IL1RAPL2: variants seen among roughly 807,000 people sequenced by gnomAD.
The protein encoded by IL1RAPL2 is interleukin 1 receptor accessory protein like 2.
In IL1RAPL2, 3 loss-of-function variants were observed where a neutral mutation model predicts 44.1. The observed-to-expected ratio is 0.07, with a 90% CI of 0.03 to 0.18. The LOEUF (loss-of-function observed/expected upper bound fraction) is 0.18, where lower values mean the gene tolerates loss of function less well. Ranked by LOEUF, IL1RAPL2 falls within the 10% of genes least tolerant of loss-of-function variation. The pLI is 1.00. For synonymous variants in IL1RAPL2, 181 were observed against 178.8 expected (o/e 1.01, Z -0.10); for missense variants, 391 against 496.4 (o/e 0.79, Z 2.02).
Position 104,668,330 on chromosome X carries a change from TTTA to T in IL1RAPL2, c.82+9346_82+9348del, listed in dbSNP as rs1471323087. ...TCTTTTTTATTTTTATTTTTATTTTTTTATTATTATTATACTTTAATTTTTAGG... is the reference window on the plus strand; with the variant it reads ...TCTTTTTTATTTTTATTTTTATTTTTTTATTATTATACTTTAATTTTTAGG... On this transcript the variant is annotated intron_variant, in intron 2 of 10. Transcript: ENST00000372582. Among the ~76,000 whole-genome samples, 4 of 109,432 alleles carry T rather than the reference TTTA, an allele frequency of 3.7e-5. No homozygotes were observed. The South Asian group carries it at 1.6e-3, about 43-fold the overall frequency.
chrX:105,117,774 T>A (rs2032877002), intron 2 of IL1RAPL2, among the ~76,000 whole-genome samples: 1 of 111,482 alleles, frequency 9.0e-6, no homozygotes, highest in South Asian at 3.9e-4. Flanking sequence ...GAACTGTGAG[T>A]CAATTAAACT....
At chrX:105,521,778 T>G (rs2036560500) in intron 6 of IL1RAPL2, among the ~76,000 whole-genome samples, 1 of 112,039 alleles carries the variant, frequency 8.9e-6, no homozygotes, top group African/African-American at 3.2e-5. Flanking sequence ...ATAAATTACC[T>G]AGTCTTGGGC....
intron 10 of IL1RAPL2, among the ~76,000 whole-genome samples, chrX:105,764,179 G>A (rs755155532): frequency 4.2e-4 from 47 of 111,460 alleles, no homozygotes; most frequent in African/African-American, 1.5e-3. Context: ...CCCACACCCC[G>A]TGTAGCTAAG....
At chrX:105,031,453 AG>A (rs748069067) in intron 2 of IL1RAPL2, among the ~76,000 whole-genome samples, 205 of 111,813 alleles carry the variant, frequency 1.8e-3, no homozygotes, top group African/African-American at 6.0e-3. Context: ...TTTAGCATGA[AG>A]GGTTGTTGAA....
chrX:104,606,249 G>T (rs1401106619), intron 1 of IL1RAPL2, among the ~76,000 whole-genome samples: 2 of 111,514 alleles, frequency 1.8e-5, no homozygotes, highest in African/African-American at 6.5e-5. Context: ...TGCAGAAAAG[G>T]CCTTCAACAA....
intron 6 of IL1RAPL2, among the ~76,000 whole-genome samples, chrX:105,588,714 A>G (rs959617720): frequency 1.8e-5 from 2 of 112,107 alleles, no homozygotes; most frequent in East Asian, 2.8e-4. Flanking sequence ...TGCAAATGAC[A>G]TGATCTCATT....
At chrX:104,713,384 C>T (rs917077100) in intron 2 of IL1RAPL2, among the ~76,000 whole-genome samples, 2 of 110,706 alleles carry the variant, frequency 1.8e-5, no homozygotes, top group African/African-American at 6.6e-5. Context: ...CCTACACAGA[C>T]CACGAATATG....
intron 4 of IL1RAPL2, among the ~76,000 whole-genome samples, chrX:105,238,756 G>A (rs1428721862): frequency 9.1e-6 from 1 of 110,497 alleles, no homozygotes; most frequent in Non-Finnish European, 1.9e-5. Flanking sequence ...TTTTTGTCAG[G>A]TTCTCACTTA....
intron 4 of IL1RAPL2, among the ~76,000 whole-genome samples, chrX:105,248,950 C>G (rs188731085): frequency 9.0e-6 from 1 of 111,229 alleles, no homozygotes; most frequent in Non-Finnish European, 1.9e-5. Flanking sequence ...CCTCAAAAAA[C>G]TAGAAATTGA....
chrX:104,743,211 A>G (rs1302319703), intron 2 of IL1RAPL2, among the ~76,000 whole-genome samples: 1 of 110,828 alleles, frequency 9.0e-6, no homozygotes, highest in Non-Finnish European at 1.9e-5. Flanking sequence ...ATGTTCTTAA[A>G]TATACAGTAA....
intron 2 of IL1RAPL2, among the ~76,000 whole-genome samples, chrX:104,762,981 G>A (rs1259932216): frequency 8.9e-6 from 1 of 112,292 alleles, no homozygotes. Context: ...TTAGCATTTG[G>A]CTTCTTGTTA....
intron 6 of IL1RAPL2, among the ~76,000 whole-genome samples, chrX:105,696,621 A>G (rs1255958731): frequency 4.5e-5 from 5 of 111,769 alleles, no homozygotes; most frequent in African/African-American, 1.6e-4. Context: ...CTGGAGTTCA[A>G]ATCCATCCAT....
chrX:104,814,891 G>A (rs780401316), intron 2 of IL1RAPL2, among the ~76,000 whole-genome samples: 45 of 111,959 alleles, frequency 4.0e-4, no homozygotes, highest in Non-Finnish European at 5.6e-4. Context: ...GACAATAATA[G>A]GGGAGGACAG....
intron 2 of IL1RAPL2, among the ~76,000 whole-genome samples, chrX:105,090,280 T>C (rs1025983845): frequency 9.0e-5 from 10 of 111,698 alleles, no homozygotes; most frequent in Admixed American, 3.8e-4. Context: ...CAGTCACTGC[T>C]CTGTAGAACC....
At chrX:105,032,168 A>C (rs1190486819) in intron 2 of IL1RAPL2, among the ~76,000 whole-genome samples, 21 of 110,553 alleles carry the variant, frequency 1.9e-4, no homozygotes, top group Non-Finnish European at 3.2e-4. Context: ...TGATCTTTTC[A>C]AAAAACCAGC....
chrX:105,142,345 T>G (rs953069359), intron 2 of IL1RAPL2, among the ~76,000 whole-genome samples: 4 of 111,619 alleles, frequency 3.6e-5, no homozygotes, highest in African/African-American at 1.3e-4. Context: ...AGGGGTCTCA[T>G]TTTTTCCTCA....
intron 10 of IL1RAPL2, among the ~76,000 whole-genome samples, chrX:105,759,518 A>T (rs991762369): frequency 1.8e-5 from 2 of 112,359 alleles, no homozygotes; most frequent in African/African-American, 3.2e-5. Flanking sequence ...TATCATGCTT[A>T]TGGTTTATTG....
At chrX:105,527,424 T>C (rs1313110942) in intron 6 of IL1RAPL2, among the ~76,000 whole-genome samples, 1 of 91,111 alleles carries the variant, frequency 1.1e-5, no homozygotes, top group Non-Finnish European at 2.2e-5. Flanking sequence ...ATGCAGTATA[T>C]GTGAGAGTGT....
chrX:105,705,233 T>C (rs2038155927), intron 6 of IL1RAPL2, among the ~76,000 whole-genome samples: 1 of 110,360 alleles, frequency 9.1e-6, no homozygotes, highest in African/African-American at 3.3e-5. Flanking sequence ...TACAGATAGA[T>C]AGAAAATAAA....
Sources: allele counts gnomAD v4.1 joint callset (sites outside exome capture counted in the v4.1 genomes callset), GRCh38; gene constraint gnomAD v4.1.1; transcripts MANE v1.5; gene names NCBI Gene and HGNC (gene_info 2026-07-23, HGNC 2026-07-21).